TFPI: variants seen among roughly 807,000 people sequenced by gnomAD.
The protein encoded by TFPI is anti-convertin.
In TFPI, 15 loss-of-function variants were observed where a neutral mutation model predicts 34.6. The observed-to-expected ratio is 0.43, with a 90% confidence interval of 0.29 to 0.67. TFPI has a LOEUF of 0.67. Ranked by LOEUF, TFPI falls within the 30% of genes least tolerant of loss-of-function variation. TFPI has a pLI of 0.15. For synonymous variants in TFPI, 105 were observed against 120.1 expected (o/e 0.87, Z 0.82); for missense variants, 301 against 364.0 (o/e 0.83, Z 1.41).
At chr2:187,503,462 T>TAC (rs138349562) in intron 2 of TFPI, among the ~76,000 whole-genome samples, 186 bp downstream of exon 2, 66,793 of 142,054 alleles carry the variant, frequency 0.47, 15,667 homozygotes, top group Middle Eastern at 0.55. Flanking sequence ...CATGTGCATG[T>TAC]ACACACACAC....
chr2:187,543,019 TAAAG>T (rs2106310535), intron 1 of TFPI, among the ~76,000 whole-genome samples: 1 of 152,280 alleles, frequency 6.6e-6, no homozygotes, highest in Non-Finnish European at 1.5e-5. Context: ...TGGACAGAGA[TAAAG>T]AACAAAAGAA....
chr2:187,507,429 TC>T, intron 1 of TFPI, among the ~76,000 whole-genome samples: 1 of 152,166 alleles, frequency 6.6e-6, no homozygotes, highest in East Asian at 1.9e-4. Flanking sequence ...TGGTTCTAGA[TC>T]CTTGAGGAAT....
At chr2:187,503,346 T>A (rs1260053390) in intron 2 of TFPI, among the ~76,000 whole-genome samples, 2 of 152,020 alleles carry the variant, frequency 1.3e-5, no homozygotes, top group Non-Finnish European at 2.9e-5. Flanking sequence ...AACATTTTGC[T>A]CCTTGCAATA....
chr2:187,532,192 T>C (rs1339364954), intron 1 of TFPI, among the ~76,000 whole-genome samples: 6 of 152,226 alleles, frequency 3.9e-5, no homozygotes, highest in Non-Finnish European at 8.8e-5. Flanking sequence ...GTGATTATAT[T>C]TATATGAGCA....
chr2:187,493,355 C>A (rs925182170), intron 3 of TFPI, among the ~76,000 whole-genome samples: 1 of 152,122 alleles, frequency 6.6e-6, no homozygotes, highest in Non-Finnish European at 1.5e-5. Flanking sequence ...AGACTGCACA[C>A]AGCATGAGGA....
rs1311160360 is a variant in TFPI at position 187,466,316 on chromosome 2, A to G, written c.*620T>C. On this transcript the variant is annotated 3_prime_UTR_variant, in exon 8 of 8. Coordinates refer to ENST00000233156, the MANE Select transcript of TFPI (RefSeq NM_006287.6). ...AAAAAAAAAAGTGAAACCAATCCAA[A>G]TCAGGCAGGCACATGATGCAGAGTT... 6.6e-6 allele frequency: 1 copy of G among 152,130 alleles called. No individual in the cohort carries two copies. The highest frequency in any genetic ancestry group is 1.5e-5 in the Non-Finnish European group (1 of 68,042). 9.4% of individuals were successfully genotyped at this position (152,130 alleles called of 1,614,324 possible). A position where few individuals can be genotyped will look rare whatever the true frequency, so the allele number is the denominator to read the frequency against.
chr2:187,475,940 C>T (rs1358950198), intron 6 of TFPI, among the ~76,000 whole-genome samples: 3 of 152,164 alleles, frequency 2.0e-5, no homozygotes, highest in African/African-American at 7.2e-5. Context: ...TCCACAGTTA[C>T]AAACATGAAG....
At chr2:187,485,213 A>G (rs1019839729) in intron 4 of TFPI, among the ~76,000 whole-genome samples, 2 of 151,848 alleles carry the variant, frequency 1.3e-5, no homozygotes, top group African/African-American at 4.8e-5. Context: ...ATAGGGAATT[A>G]ACTGTCATTT....
intron 3 of TFPI, among the ~76,000 whole-genome samples, chr2:187,488,589 A>T (rs759870941): frequency 1.7e-4 from 25 of 151,400 alleles, no homozygotes; most frequent in Non-Finnish European, 2.8e-4. Flanking sequence ...CAATAGAGTA[A>T]TGTTTTAGAA....
chr2:187,485,077 A>C, intron 4 of TFPI, 90 bp from the exon 5 acceptor site: 2 of 977,162 alleles, frequency 2.0e-6, no homozygotes, highest in South Asian at 5.9e-5. Context: ...TGGCTAAGTT[A>C]TTGAAGGAGT....
At chr2:187,544,993 TCA>T (rs1429235148) in intron 1 of TFPI, among the ~76,000 whole-genome samples, 5 of 151,876 alleles carry the variant, frequency 3.3e-5, no homozygotes, top group African/African-American at 1.2e-4. Flanking sequence ...GCGCCTGTAA[TCA>T]CAGCTCCTCG....
At chr2:187,493,818 A>G (rs187313714) in intron 3 of TFPI, among the ~76,000 whole-genome samples, 1 of 152,174 alleles carries the variant, frequency 6.6e-6, no homozygotes, top group Non-Finnish European at 1.5e-5. Context: ...CCTCATCTCT[A>G]TCTGAGACCA....
chr2:187,483,879 T>C (rs372702928), intron 6 of TFPI: 3 of 455,332 alleles, frequency 6.6e-6, no homozygotes, highest in East Asian at 8.3e-5. Flanking sequence ...CATATGAAAG[T>C]TTTTCATGTG....
At chr2:187,488,419 A>G in intron 3 of TFPI, 44 bp from the exon 4 acceptor site, 3 of 1,269,916 alleles carry the variant, frequency 2.4e-6, no homozygotes, top group Non-Finnish European at 2.1e-6. Context: ...CACAATTTAT[A>G]AAGTAATACT....
chr2:187,503,576 T>A, intron 2 of TFPI, 72 bp downstream of exon 2: 3 of 1,546,234 alleles, frequency 1.9e-6, no homozygotes, highest in Non-Finnish European at 2.6e-6. Flanking sequence ...AATGGAAAAC[T>A]ATGGTAGATT....
intron 1 of TFPI, among the ~76,000 whole-genome samples, chr2:187,528,427 A>T (rs555729905): frequency 3.0e-4 from 45 of 152,010 alleles, no homozygotes; most frequent in Middle Eastern, 3.4e-3. Context: ...AGTTTTTTTT[A>T]AAAAAAGTCT....
chr2:187,509,943 A>G (rs1686506431), intron 1 of TFPI, among the ~76,000 whole-genome samples: 1 of 152,100 alleles, frequency 6.6e-6, no homozygotes, highest in South Asian at 2.1e-4. Flanking sequence ...GTTTCAGTAA[A>G]CAACTTTCCT....
At chr2:187,540,642 C>T (rs11904057) in intron 1 of TFPI, among the ~76,000 whole-genome samples, 2,842 of 152,086 alleles carry the variant, frequency 0.019, 92 homozygotes, top group African/African-American at 0.064. Context: ...GTAATCCCAA[C>T]GCTTTGGGAG....
At chr2:187,498,324 G>GT (rs1404821888) in intron 2 of TFPI, among the ~76,000 whole-genome samples, 1 of 151,542 alleles carries the variant, frequency 6.6e-6, no homozygotes, top group Non-Finnish European at 1.5e-5. Context: ...TGTAATAAAA[G>GT]TTAAATTAGA....
Sources: gnomAD v4.1 joint callset for allele counts (sites outside exome capture counted in the v4.1 genomes callset) on GRCh38, gnomAD v4.1.1 for gene constraint, MANE v1.5 for transcripts, NCBI Gene and HGNC (gene_info 2026-07-23, HGNC 2026-07-21) for gene names.